Variants in EDDM3A observed in about 807,000 individuals in gnomAD.
EDDM3A encodes the protein epididymal secretory protein E3-alpha.
For missense variants in EDDM3A, 199 were observed against 177.4 expected (o/e 1.12, Z -0.69); for synonymous variants, 75 against 60.4 (o/e 1.24, Z -1.12).
At chr14:20,742,177 G>A (rs748941396), upstream of EDDM3A, among the ~76,000 whole-genome samples, 8 of 152,170 alleles carry the variant, frequency 5.3e-5, no homozygotes, top group Admixed American at 4.6e-4. Flanking sequence ...TCTCATCCCT[G>A]AAGAATTCCT....
chr14:20,747,926 G>A lies in EDDM3A; in HGVS notation c.346G>A (p.Glu116Lys). 6.2e-7 allele frequency: 1 copy of A among 1,614,160 alleles called. No individual in the cohort carries two copies. The highest frequency in any genetic ancestry group is 8.5e-7 in the Non-Finnish European group (1 of 1,180,002). The change falls in exon 2 of 2, where the codon GAG (glutamate) becomes AAG (lysine). Residue 116 changes from glutamate to lysine, a missense_variant. Coordinates refer to ENST00000326842, the MANE Select transcript of EDDM3A (RefSeq NM_006683.5). ...GGAGAAGTACAACAATAGGTACACA[G>A]AGAGCAGAAGCTTCAGCTACATTGA... is the stretch of plus-strand genomic sequence containing the variant. ...HWEKYNNRYT[E>K]SRSFSYIEFH...
upstream of EDDM3A, among the ~76,000 whole-genome samples, chr14:20,742,733 C>T (rs1008091839): frequency 2.0e-5 from 3 of 151,980 alleles, no homozygotes; most frequent in Non-Finnish European, 2.9e-5. Context: ...GTTACAGGCA[C>T]GTGCTACCAC....
intron 1 of EDDM3A, among the ~76,000 whole-genome samples, chr14:20,747,253 T>C (rs543627460): frequency 6.6e-6 from 1 of 152,028 alleles, no homozygotes; most frequent in South Asian, 2.1e-4. Flanking sequence ...ACAGCCACCA[T>C]GTCCAGCTAC....
At chr14:20,739,649 C>T in the EDDM3A span, among the ~76,000 whole-genome samples, 1 of 152,210 alleles carries the variant, frequency 6.6e-6, no homozygotes, top group Non-Finnish European at 1.5e-5. Context: ...TATTGCATTT[C>T]AGCCATTCTA....
the EDDM3A span, among the ~76,000 whole-genome samples, chr14:20,736,386 A>G: frequency 6.6e-6 from 1 of 152,178 alleles, no homozygotes; most frequent in Non-Finnish European, 1.5e-5. Flanking sequence ...CTGGGATTAC[A>G]GGCATGAGCC....
At position 20,747,623 on chromosome 14, in the gene EDDM3A, C is replaced by T. The variant is rs1335114419; in HGVS notation, c.43C>T (p.Leu15Phe). The change falls in exon 2 of 2, where the codon CTT becomes TTT. Residue 15 changes from leucine (L) to phenylalanine (F), a missense_variant. Leu to Phe is a conservative substitution (Grantham distance 22). Transcript: ENST00000326842. Reference sequence around the variant, plus strand: ...GATTTGGGGCATACTCTTGGCCCTGCTTTGCATCCTTTGCAGGCTGTGTGT... The same window carrying T: ...GATTTGGGGCATACTCTTGGCCCTGTTTTGCATCCTTTGCAGGCTGTGTGT... ...LKIWGILLALLCILCRLCVYS... is the reference protein window; with the variant it reads ...LKIWGILLALFCILCRLCVYS... 6.2e-7 allele frequency: 1 copy of T among 1,613,362 alleles called. No individual in the cohort carries two copies. Among genetic ancestry groups the T allele is most frequent in the East Asian group, 2.2e-5 (1 of 44,880 alleles).
the EDDM3A span, among the ~76,000 whole-genome samples, chr14:20,736,546 T>C: frequency 1.3e-5 from 2 of 152,200 alleles, no homozygotes; most frequent in Non-Finnish European, 2.9e-5. Flanking sequence ...GTATAAAACA[T>C]GTGGCATGAT....
In EDDM3A at chr14:20,747,474, T is replaced by C. The variant is rs1459051973; in HGVS notation, c.-26-81T>C. The stretch of plus-strand genomic sequence containing the variant: ...AGCAATATAGTGCCCAAGTACCTGC[T>C]TGGCAGGGAAAGGAATTTTAAGGTG... On this transcript the variant is annotated intron_variant, in intron 1 of 1. Coordinates refer to ENST00000326842, the MANE Select transcript of EDDM3A (RefSeq NM_006683.5). The C allele has an allele frequency of 7.2e-6, 6 of 831,418 alleles. No homozygotes were observed. In the African/African-American group the frequency reaches 1.0e-4, roughly 14 times the overall value. 51.5% of individuals were successfully genotyped at this position (831,418 alleles called of 1,614,324 possible).
the EDDM3A span, among the ~76,000 whole-genome samples, chr14:20,736,911 C>T: frequency 1.3e-5 from 2 of 151,622 alleles, no homozygotes; most frequent in South Asian, 2.1e-4. Flanking sequence ...CAGGGTTTTG[C>T]CATGTTGCCG....
the EDDM3A span, among the ~76,000 whole-genome samples, chr14:20,737,116 C>T: frequency 2.0e-5 from 3 of 147,770 alleles, no homozygotes; most frequent in Admixed American, 6.9e-5. Context: ...TGCAATGGTG[C>T]AATCTCGGCT....
chr14:20,742,946 G>A (rs1459552846), upstream of EDDM3A, among the ~76,000 whole-genome samples: 1 of 152,102 alleles, frequency 6.6e-6, no homozygotes, highest in Non-Finnish European at 1.5e-5. Flanking sequence ...TGTTGCCCAG[G>A]CTGGTCTCAA....
the EDDM3A span, among the ~76,000 whole-genome samples, chr14:20,737,461 T>C: frequency 6.6e-5 from 10 of 152,110 alleles, no homozygotes; most frequent in African/African-American, 2.4e-4. Context: ...ATGTAAGCTA[T>C]ACACACGCGG....
At position 20,747,607 on chromosome 14, in the gene EDDM3A, C is replaced by T. The variant is rs755685949; in HGVS notation, c.27C>T (p.Gly9=). 6.2e-7 allele frequency: 1 copy of T among 1,609,882 alleles called. No homozygotes were observed. Among genetic ancestry groups the T allele is most frequent in the East Asian group, 2.2e-5 (1 of 44,838 alleles). Residue 9 remains glycine, a synonymous_variant, in exon 2 of 2, where the codon GGC becomes GGT. Transcript: ENST00000326842. MTSSLKIW[G]ILLALLCILC... ...TGACATCCTCTCTAAAGATTTGGGG[C>T]ATACTCTTGGCCCTGCTTTGCATCC...
At chr14:20,742,819 A>T (rs1196400896), upstream of EDDM3A, among the ~76,000 whole-genome samples, 1 of 151,282 alleles carries the variant, frequency 6.6e-6, no homozygotes, top group East Asian at 1.9e-4. Flanking sequence ...CTGGTTTTCA[A>T]CTCCTGGCCT....
chr14:20,742,812 G>C (rs746426912), upstream of EDDM3A, among the ~76,000 whole-genome samples: 1 of 151,888 alleles, frequency 6.6e-6, no homozygotes, highest in Non-Finnish European at 1.5e-5. Context: ...GACCAGGCTG[G>C]TTTTCAACTC....
the EDDM3A span, among the ~76,000 whole-genome samples, chr14:20,737,878 G>T: frequency 6.6e-6 from 1 of 152,202 alleles, no homozygotes; most frequent in Non-Finnish European, 1.5e-5. Flanking sequence ...ATTTTGTCCA[G>T]GTCCGGTATG....
At position 20,748,052 on chromosome 14, in the gene EDDM3A, G is replaced by A. The variant is rs1377797931; in HGVS notation, c.*28G>A. On this transcript the variant is annotated 3_prime_UTR_variant, in exon 2 of 2. Transcript: ENST00000326842. ...AGTCTATGCACATCCTCAGATATTG[G>A]TAGAGTATTCAGTGCTTCCAAAGTG... The A allele has an allele frequency of 6.5e-7, 1 of 1,546,756 alleles. No homozygotes were observed. Among genetic ancestry groups the A allele is most frequent in the Non-Finnish European group, 8.7e-7 (1 of 1,144,782 alleles).
In EDDM3A at chr14:20,747,559, G is replaced by A. The variant is rs75387363; in HGVS notation, c.-22G>A. 8,264 of 1,561,748 alleles carry A rather than the reference G, an allele frequency of 5.3e-3. 370 individuals carry two copies. In the African/African-American group the frequency reaches 0.098, roughly 18 times the overall value. ...TTTTCTTTCTCTTCCCTGTAGACAC[G>A]CAGGTGGACGTGGTGACTGAGATGA... On this transcript the variant is annotated 5_prime_UTR_variant, in exon 2 of 2. Transcript: ENST00000326842.
At chr14:20,738,506 T>TAAATAAAG in the EDDM3A span, among the ~76,000 whole-genome samples, 10 of 144,320 alleles carry the variant, frequency 6.9e-5, no homozygotes, top group African/African-American at 2.6e-4. Context: ...AATAAATAAA[T>TAAATAAAG]AAACAGTAGC....
Sources: gnomAD v4.1 joint callset for allele counts (sites outside exome capture counted in the v4.1 genomes callset) on GRCh38, gnomAD v4.1.1 for gene constraint, MANE v1.5 for transcripts, NCBI Gene and HGNC (gene_info 2026-07-23, HGNC 2026-07-21) for gene names.